The following SSX5 variants were observed in gnomAD, a reference collection of about 807,000 sequenced individuals.
SSX5 encodes the protein protein SSX5.
In SSX5, 14 loss-of-function variants were observed where a neutral mutation model predicts 14.9. The ratio of observed to expected loss-of-function variants is 0.94; its 90% CI spans 0.62 to 1.47. The LOEUF (loss-of-function observed/expected upper bound fraction) is 1.47. Ranked by LOEUF, SSX5 falls within the 40% of genes most tolerant of loss-of-function variation. The pLI is 0.00. For synonymous variants in SSX5, 70 were observed against 55.4 expected (o/e 1.26, Z -1.17); for missense variants, 204 against 154.6 (o/e 1.32, Z -1.70).
intron 6 of SSX5, among the ~76,000 whole-genome samples, chrX:48,189,073 G>T (rs1335815697): frequency 1.8e-5 from 2 of 111,754 alleles, no homozygotes; most frequent in Non-Finnish European, 3.8e-5. Context: ...GCAGAGGTTG[G>T]TTCATGAGGT....
chrX:48,187,599 G>A (rs1556924013), intron 7 of SSX5, 28 bp downstream of exon 7: 1 of 1,189,526 alleles, frequency 8.4e-7, no homozygotes. Flanking sequence ...CTGCAAGGAT[G>A]TGGGAGATGA....
At chrX:48,187,028 T>G (rs2059400541) in intron 7 of SSX5, among the ~76,000 whole-genome samples, 172 bp from the exon 8 acceptor site, 1 of 111,571 alleles carries the variant, frequency 9.0e-6, no homozygotes, top group Non-Finnish European at 1.9e-5. Context: ...CATACCACAG[T>G]GACTTCCTCG....
intron 5 of SSX5, 119 bp from the exon 6 acceptor site, chrX:48,190,387 G>A (rs1343402006): frequency 1.1e-6 from 1 of 930,536 alleles, no homozygotes; most frequent in East Asian, 3.6e-5. Context: ...TGCTAGGAGA[G>A]TTACACTTGC....
At chrX:48,187,343 C>G (rs1269818397) in intron 7 of SSX5, among the ~76,000 whole-genome samples, 1 of 110,534 alleles carries the variant, frequency 9.0e-6, no homozygotes. Flanking sequence ...GCTTGTAGCC[C>G]CAGCTACTGG....
chrX:48,190,443 T>C (rs1476662479), intron 5 of SSX5, among the ~76,000 whole-genome samples, 175 bp from the exon 6 acceptor site: 1 of 111,867 alleles, frequency 8.9e-6, no homozygotes, highest in Non-Finnish European at 1.9e-5. Context: ...GGGAAAGGAA[T>C]GGCCTAACTG....
chrX:48,195,748 A>G (rs2059438610), intron 1 of SSX5, among the ~76,000 whole-genome samples: 1 of 111,109 alleles, frequency 9.0e-6, no homozygotes, highest in African/African-American at 3.3e-5. Context: ...GGGCGTTCTG[A>G]CACCCTCACT....
intron 5 of SSX5, 35 bp downstream of exon 5, chrX:48,192,197 G>C (rs1556924876): frequency 1.7e-6 from 2 of 1,208,507 alleles, no homozygotes; most frequent in African/African-American, 3.5e-5. Context: ...AAGGGACAAA[G>C]GTTCTCTGGT....
intron 1 of SSX5, 28 bp from the exon 2 acceptor site, chrX:48,195,406 C>T (rs1601923467): frequency 8.5e-7 from 1 of 1,179,330 alleles, no homozygotes; most frequent in Non-Finnish European, 1.2e-6. Context: ...TGAGTCTTTC[C>T]AGCTGCAGGA....
In SSX5 at chrX:48,190,107, G is replaced by T. The variant is rs374408046; in HGVS notation, c.466+26C>A. On this transcript the variant is annotated intron_variant, in intron 6 of 7. Coordinates refer to ENST00000347757, the MANE Select transcript of SSX5 (RefSeq NM_175723.2). ...GAACTTAGCGAGAAAAGCCAGAGTG[G>T]TTGTTCCCAAATTCTTTTCTCTTAC... 20 of 1,206,488 alleles carry T rather than the reference G, an allele frequency of 1.7e-5. No homozygotes were observed. In the African/African-American group the frequency reaches 3.5e-4, roughly 21 times the overall value.
In SSX5 at chrX:48,186,403, T is replaced by TGCGCGCGC. The variant is rs1315296517; in HGVS notation, c.*450_*457dup. On this transcript the variant is annotated 3_prime_UTR_variant, in exon 8 of 8. Coordinates refer to ENST00000347757, the MANE Select transcript of SSX5 (RefSeq NM_175723.2). ...GTGTGTGTGTGTGTGTGTGTGTGTG[T>TGCGCGCGC]GCGCGCGCGCGCGCATGTGTGTCTG... The TGCGCGCGC allele has an allele frequency of 2.1e-5, 3 of 140,101 alleles. No homozygotes were observed. Among genetic ancestry groups the TGCGCGCGC allele is most frequent in the African/African-American group, 1.2e-4 (3 of 25,325 alleles). The allele number at this position is 140,101 out of a possible 1,213,427, so 11.5% of individuals were successfully genotyped here.
rs782329246 is a variant in SSX5 at position 48,186,816 on chromosome X, C to T, written c.*45G>A. ...TGCCCATGTTCGTGAAAGGTCACCA[C>T]GTTCTGCTTCTCATCATGGGCATGT... On this transcript the variant is annotated 3_prime_UTR_variant, in exon 8 of 8. Coordinates refer to ENST00000347757, the MANE Select transcript of SSX5 (RefSeq NM_175723.2). The T allele has an allele frequency of 1.7e-6, 2 of 1,198,232 alleles. No homozygotes were observed. Among genetic ancestry groups the T allele is most frequent in the Non-Finnish European group, 2.2e-6 (2 of 895,290 alleles).
intron 1 of SSX5, among the ~76,000 whole-genome samples, chrX:48,196,193 G>A (rs1210000254): frequency 9.0e-6 from 1 of 111,245 alleles, no homozygotes; most frequent in Non-Finnish European, 1.9e-5. Flanking sequence ...GGGAGGCCAA[G>A]GTGGGCGGAT....
At chrX:48,190,298 G>GT (rs1156964466) in intron 5 of SSX5, 30 bp from the exon 6 acceptor site, 1 of 1,163,957 alleles carries the variant, frequency 8.6e-7, no homozygotes, top group East Asian at 3.1e-5. Flanking sequence ...CAGATAAACA[G>GT]TATCAGTGAC....
At chrX:48,195,186 A>G in intron 2 of SSX5, 104 bp downstream of exon 2, 1 of 1,208,787 alleles carries the variant, frequency 8.3e-7, no homozygotes. Context: ...GTCCCCGGAG[A>G]CCCTGGTCCT....
At position 48,192,249 on chromosome X, in the gene SSX5, G is replaced by A. The variant is rs188841948; in HGVS notation, c.313C>T (p.Gln105Ter). The A allele has an allele frequency of 1.3e-5, 16 of 1,209,794 alleles. No homozygotes were observed. In the Admixed American group the frequency reaches 3.3e-4, roughly 25 times the overall value. Residue 105 changes from glutamine to a stop codon, truncating the protein, a stop_gained, in exon 5 of 8, where the codon CAG (glutamine) becomes TAG (stop). Transcript: ENST00000347757. LOFTEE classifies it high-confidence loss of function. Reference protein sequence around the residue: ...EHPQMTFGRLQGIFPKITPEK... With the variant: ...EHPQMTFGRL ...ACACTCACCTTCGGGAAGATTCCCT[G>A]GAGCCTGCCGAAAGTCATCTGAGGA...
At chrX:48,192,043 G>A (rs782704626) in intron 5 of SSX5, among the ~76,000 whole-genome samples, 189 bp downstream of exon 5, 1 of 112,236 alleles carries the variant, frequency 8.9e-6, no homozygotes, top group South Asian at 3.7e-4. Flanking sequence ...GCATCACTAT[G>A]AAAACAAAAG....
chrX:48,187,110 C>A (rs1318493566), intron 7 of SSX5, among the ~76,000 whole-genome samples: 1 of 111,410 alleles, frequency 9.0e-6, no homozygotes, highest in Admixed American at 9.6e-5. Context: ...GTTTGGGAAC[C>A]CACAGCATCC....
chrX:48,194,599 G>A, intron 3 of SSX5, 141 bp downstream of exon 3: 1 of 673,166 alleles, frequency 1.5e-6, no homozygotes, highest in South Asian at 2.9e-5. Flanking sequence ...CAGAAGAGCA[G>A]AGCACCCAGA....
chrX:48,191,910 G>A (rs1485391219), intron 5 of SSX5, among the ~76,000 whole-genome samples: 1 of 112,068 alleles, frequency 8.9e-6, no homozygotes, highest in Non-Finnish European at 1.9e-5. Flanking sequence ...GTGCCAAGTC[G>A]CCTGCCTTTT....
Sources: allele counts gnomAD v4.1 joint callset (sites outside exome capture counted in the v4.1 genomes callset), GRCh38; gene constraint gnomAD v4.1.1; transcripts MANE v1.5; gene names NCBI Gene and HGNC (gene_info 2026-07-23, HGNC 2026-07-21).